The following ARID1B variants were observed in gnomAD, a reference collection of about 807,000 sequenced individuals.
The protein encoded by ARID1B is AT-rich interactive domain-containing protein 1B.
ARID1B carries 30 observed loss-of-function variants against 212.3 expected under a neutral mutation model. That is an observed-to-expected ratio of 0.14 (90% CI 0.11 to 0.19). The LOEUF (loss-of-function observed/expected upper bound fraction) is 0.19, where lower values mean the gene tolerates loss of function less well. Ranked by LOEUF, ARID1B falls within the 10% of genes least tolerant of loss-of-function variation. The pLI is 1.00. For synonymous variants in ARID1B, 1,402 were observed against 1,301.7 expected, an observed-to-expected ratio of 1.08 and a Z score of -1.66; for missense variants, 2,891 against 3,204.0, an observed-to-expected ratio of 0.90 and a Z score of 2.36.
intron 12 of ARID1B, among the ~76,000 whole-genome samples, chr6:157,181,627 C>T (rs1235519960): frequency 6.6e-6 from 1 of 152,154 alleles, no homozygotes; most frequent in Non-Finnish European, 1.5e-5. Flanking sequence ...CAAACCATGC[C>T]CACAATAACT....
intron 4 of ARID1B, among the ~76,000 whole-genome samples, chr6:156,971,177 A>C (rs1335153567): frequency 1.3e-5 from 2 of 152,234 alleles, no homozygotes; most frequent in African/African-American, 4.8e-5. Flanking sequence ...GAATTCATAC[A>C]TTCTTGTTTC....
intron 1 of ARID1B, among the ~76,000 whole-genome samples, chr6:156,790,938 T>C (rs925857506): frequency 1.3e-5 from 2 of 152,248 alleles, no homozygotes; most frequent in Non-Finnish European, 2.9e-5. Context: ...GTTTTATCTT[T>C]TATTATGCAT....
At chr6:156,901,092 G>A (rs978966129) in intron 2 of ARID1B, among the ~76,000 whole-genome samples, 1 of 152,086 alleles carries the variant, frequency 6.6e-6, no homozygotes, top group Admixed American at 6.5e-5. Flanking sequence ...TTTAGTCTCA[G>A]TATTTAGCAC....
intron 6 of ARID1B, among the ~76,000 whole-genome samples, chr6:157,121,654 A>G (rs9384528): frequency 0.5 from 67,570 of 135,680 alleles, 19,064 homozygotes; most frequent in African/African-American, 0.78. Flanking sequence ...TTTTGCTGAG[A>G]CGGAGTTTCA....
chr6:157,161,534 G>T (rs1362387852), intron 8 of ARID1B, among the ~76,000 whole-genome samples: 3 of 151,718 alleles, frequency 2.0e-5, no homozygotes, highest in Non-Finnish European at 4.4e-5. Context: ...CTCCTTCTCA[G>T]TACTGCTTTG....
At chr6:157,011,284 T>C (rs1189205612) in intron 4 of ARID1B, among the ~76,000 whole-genome samples, 1 of 152,348 alleles carries the variant, frequency 6.6e-6, no homozygotes, top group Middle Eastern at 3.4e-3. Flanking sequence ...TTTGAGGATT[T>C]TGTAGTTCCT....
intron 4 of ARID1B, among the ~76,000 whole-genome samples, chr6:157,003,553 C>T (rs1230287443): frequency 6.6e-6 from 1 of 152,196 alleles, no homozygotes. Flanking sequence ...ACCTGGTTTT[C>T]TGACTGGGCT....
intron 4 of ARID1B, among the ~76,000 whole-genome samples, chr6:156,983,291 A>G (rs1257037237): frequency 6.6e-6 from 1 of 151,990 alleles, no homozygotes; most frequent in Non-Finnish European, 1.5e-5. Flanking sequence ...GCTACTCGAG[A>G]GGCTGAGACA....
intron 3 of ARID1B, among the ~76,000 whole-genome samples, chr6:156,906,061 C>G (rs1484439706): frequency 6.6e-6 from 1 of 152,016 alleles, no homozygotes; most frequent in Non-Finnish European, 1.5e-5. Flanking sequence ...CTGAGGAGCC[C>G]CAGGAGCACT....
intron 8 of ARID1B, among the ~76,000 whole-genome samples, chr6:157,154,164 C>T (rs1790391698): frequency 6.6e-6 from 1 of 152,122 alleles, no homozygotes; most frequent in Non-Finnish European, 1.5e-5. Flanking sequence ...GAAATGAGCT[C>T]TAGGAGGAAG....
At chr6:157,078,572 G>C (rs1449346418) in intron 4 of ARID1B, among the ~76,000 whole-genome samples, 1 of 152,128 alleles carries the variant, frequency 6.6e-6, no homozygotes, top group African/African-American at 2.4e-5. Context: ...CTTGTGCAGT[G>C]GGGAAGAAAG....
At chr6:156,857,572 C>CG (rs1431243442) in intron 2 of ARID1B, among the ~76,000 whole-genome samples, 1 of 152,208 alleles carries the variant, frequency 6.6e-6, no homozygotes, top group Non-Finnish European at 1.5e-5. Context: ...GCTGAAGAGC[C>CG]ATGACCAAGG....
chr6:157,206,877 T>G lies in ARID1B; in HGVS notation c.6105T>G (p.Ser2035Arg), dbSNP rs2128394750. 4 of 1,614,078 alleles carry G rather than the reference T, an allele frequency of 2.5e-6. No individual in the cohort carries two copies. Among genetic ancestry groups the G allele is most frequent in the Non-Finnish European group, 3.4e-6 (4 of 1,180,020 alleles). The change falls in exon 20 of 20, where the codon AGT becomes AGG. Residue 2035 changes from serine (S) to arginine (R), a missense_variant. By Grantham distance (110) the Ser-to-Arg change is moderately radical. Around this residue, in one of 7 missense-constraint regions of ARID1B, gnomAD observed 332 missense variants for 369.2 expected, o/e 0.90. Coordinates refer to ENST00000636930, the MANE Select transcript of ARID1B (RefSeq NM_001374828.1). The surrounding 1 kb of genome is among the most constrained non-coding windows in gnomAD (Gnocchi z 6.8). ...KFPFGIQQAK[S>R]HRNIKLLEDE... ...CCTTTGGTATCCAGCAAGCCAAAAG[T>G]CACCGGAACATCAAGCTGCTGGAGG...
chr6:156,780,430 A>G (rs1779172366), intron 1 of ARID1B: 1 of 152,246 alleles, frequency 6.6e-6, no homozygotes. Flanking sequence ...GTTTCTTGCT[A>G]GTAGGCTGAG....
At chr6:156,863,269 T>A (rs58518084) in intron 2 of ARID1B, among the ~76,000 whole-genome samples, 2,448 of 151,956 alleles carry the variant, frequency 0.016, 78 homozygotes, top group African/African-American at 0.056. Context: ...GTAATAGAGA[T>A]GAGAAGGAAA....
intron 4 of ARID1B, among the ~76,000 whole-genome samples, chr6:157,020,459 AATT>A (rs1780158330): frequency 6.6e-6 from 1 of 152,176 alleles, no homozygotes; most frequent in African/African-American, 2.4e-5. Flanking sequence ...TTTAATATGA[AATT>A]AATTTTTTTT....
intron 4 of ARID1B, among the ~76,000 whole-genome samples, chr6:156,954,525 T>A (rs868091640): frequency 6.6e-6 from 1 of 152,220 alleles, no homozygotes; most frequent in African/African-American, 2.4e-5. Flanking sequence ...AGTCCCTGTC[T>A]ACCTGATACA....
chr6:156,823,695 T>TG (rs1191458277), intron 1 of ARID1B, among the ~76,000 whole-genome samples: 1 of 150,896 alleles, frequency 6.6e-6, no homozygotes, highest in African/African-American at 2.4e-5. Flanking sequence ...GTTGTTTTTT[T>TG]TTTTTTTTTT....
intron 1 of ARID1B, among the ~76,000 whole-genome samples, chr6:156,799,732 A>G (rs927796149): frequency 2.0e-4 from 30 of 151,856 alleles, no homozygotes; most frequent in Non-Finnish European, 2.9e-5. Flanking sequence ...CCCGCCTCAG[A>G]CTCCCAAAGT....
Sources: gnomAD v4.1 joint callset for allele counts (sites outside exome capture counted in the v4.1 genomes callset) on GRCh38, gnomAD v4.1.1 for gene constraint, gnomAD v4.1.1 regional missense constraint, Gnocchi (gnomAD v3.1) non-coding constraint, MANE v1.5 for transcripts, NCBI Gene and HGNC (gene_info 2026-07-23, HGNC 2026-07-21) for gene names.